ROR1: variants seen among roughly 807,000 people sequenced by gnomAD.
ROR1 encodes ROR family WNT receptor 1, also known as inactive tyrosine-protein kinase transmembrane receptor ROR1.
In ROR1, 19 loss-of-function variants were observed where a neutral mutation model predicts 78.8. The ratio of observed to expected loss-of-function variants is 0.24; its 90% CI spans 0.17 to 0.35. The LOEUF is 0.35. ROR1 is among the 10% of genes least tolerant of loss of function. The pLI is 1.00. For synonymous variants in ROR1, 386 were observed against 433.6 expected, an observed-to-expected ratio of 0.89 and a Z score of 1.36; for missense variants, 917 against 1,177.8, an observed-to-expected ratio of 0.78 and a Z score of 3.24.
chr1:64,100,744 T>C (rs1647496315), intron 4 of ROR1, among the ~76,000 whole-genome samples: 1 of 152,160 alleles, frequency 6.6e-6, no homozygotes, highest in Non-Finnish European at 1.5e-5. Flanking sequence ...TTTAAGGGAA[T>C]ATCAAGCATT....
chr1:64,001,509 C>T (rs1245798538), intron 1 of ROR1, among the ~76,000 whole-genome samples: 4 of 152,204 alleles, frequency 2.6e-5, no homozygotes, highest in Non-Finnish European at 5.9e-5. Flanking sequence ...CTGGCTTTGA[C>T]ATTATACCAT....
At chr1:64,100,230 C>G (rs964016284) in intron 4 of ROR1, among the ~76,000 whole-genome samples, 1 of 151,488 alleles carries the variant, frequency 6.6e-6, no homozygotes, top group Non-Finnish European at 1.5e-5. Context: ...GTCTGTAATC[C>G]CAGCACTTTG....
chr1:64,107,616 C>T (rs1647877521), intron 4 of ROR1, among the ~76,000 whole-genome samples: 1 of 151,580 alleles, frequency 6.6e-6, no homozygotes, highest in African/African-American at 2.4e-5. Context: ...AATAGATTTT[C>T]AGAATGCACA....
chr1:63,807,743 A>G (rs1398841708), intron 1 of ROR1, among the ~76,000 whole-genome samples: 1 of 152,036 alleles, frequency 6.6e-6, no homozygotes, highest in African/African-American at 2.4e-5. Flanking sequence ...CCAGGTGCAT[A>G]TTGGTCCTGG....
intron 1 of ROR1, among the ~76,000 whole-genome samples, chr1:63,936,974 G>A (rs984857367): frequency 2.0e-5 from 3 of 152,086 alleles, no homozygotes; most frequent in Non-Finnish European, 4.4e-5. Context: ...CTCATCAATA[G>A]CCCAGTTTTT....
At chr1:63,952,717 G>C (rs1015946488) in intron 1 of ROR1, among the ~76,000 whole-genome samples, 1 of 152,154 alleles carries the variant, frequency 6.6e-6, no homozygotes, top group African/African-American at 2.4e-5. Context: ...GAATACCTGA[G>C]TGCCCTGAGA....
In ROR1 at chr1:63,949,751, A is replaced by C. The variant is rs113573932; in HGVS notation, c.92-59554A>C. On this transcript the variant is annotated intron_variant, in intron 1 of 8. Transcript: ENST00000371079. ...TTTCATGCCATTTTCAGACATGCTT[A>C]AGTTTCTCAAAGGGGGTAGCCCGGG... 8.9e-3 allele frequency among the ~76,000 whole-genome samples: 1,361 copies of C among 152,102 alleles called. 18 individuals carry two copies. The highest frequency in any genetic ancestry group is 0.031 in the African/African-American group (1,273 of 41,492).
At chr1:63,816,827 G>A (rs774616252) in intron 1 of ROR1, among the ~76,000 whole-genome samples, 8 of 152,152 alleles carry the variant, frequency 5.3e-5, no homozygotes, top group Admixed American at 1.3e-4. Flanking sequence ...TGTAAGGATT[G>A]CGTGTGCTCA....
intron 4 of ROR1, among the ~76,000 whole-genome samples, chr1:64,115,259 A>G (rs1340490220): frequency 1.3e-5 from 2 of 152,156 alleles, no homozygotes; most frequent in African/African-American, 2.4e-5. Context: ...TCTGTTGCCC[A>G]GGATGGAGTG....
chr1:64,100,187 T>TA (rs1647468746), intron 4 of ROR1, among the ~76,000 whole-genome samples: 1 of 151,898 alleles, frequency 6.6e-6, no homozygotes. Flanking sequence ...GGTATTTTTT[T>TA]TAAAAAAAAG....
In ROR1 at chr1:64,178,789, A is replaced by C. The variant is rs1470848991; in HGVS notation, c.2748A>C (p.Gln916His). 3.1e-6 allele frequency: 5 copies of C among 1,614,178 alleles called. No homozygotes were observed. The highest frequency in any genetic ancestry group is 3.4e-6 in the Non-Finnish European group (4 of 1,180,032). Residue 916 changes from glutamine (Q) to histidine (H), a missense_variant, in exon 9 of 9, where the codon CAA (glutamine) becomes CAC (histidine). By Grantham distance (24) the Gln-to-His change is conservative. This residue lies in a region of ROR1 where 835 missense variants were observed against 1,069.8 expected (regional missense o/e 0.78). Coordinates refer to ENST00000371079, the MANE Select transcript of ROR1 (RefSeq NM_005012.4). The surrounding 1 kb of genome is among the most constrained non-coding windows in gnomAD (Gnocchi z 4.3). ...SQKPYKIDSK[Q>H]ASLLGDANIH... is the part of the protein sequence containing the mutation. ...AACCCTACAAAATTGACTCAAAGCA[A>C]GCATCTTTACTAGGAGACGCCAATA... is the stretch of plus-strand genomic sequence containing the variant.
intron 1 of ROR1, among the ~76,000 whole-genome samples, chr1:63,820,348 G>A (rs1362247753): frequency 6.6e-6 from 1 of 152,194 alleles, no homozygotes; most frequent in African/African-American, 2.4e-5. Flanking sequence ...ACTGCTGCAG[G>A]CCACAAAGAA....
chr1:63,901,963 A>G (rs1212135839), intron 1 of ROR1, among the ~76,000 whole-genome samples: 4 of 152,230 alleles, frequency 2.6e-5, no homozygotes, highest in Non-Finnish European at 2.9e-5. Flanking sequence ...GACTCTAAAT[A>G]CTGCAATACA....
At chr1:63,929,045 C>T (rs543625735) in intron 1 of ROR1, among the ~76,000 whole-genome samples, 2 of 152,316 alleles carry the variant, frequency 1.3e-5, no homozygotes, top group South Asian at 4.1e-4. Flanking sequence ...ACAGTTTATA[C>T]TAGCAAACAC....
intron 1 of ROR1, among the ~76,000 whole-genome samples, chr1:63,930,126 C>T (rs893810828): frequency 2.0e-5 from 3 of 152,136 alleles, no homozygotes; most frequent in Middle Eastern, 3.2e-3. Flanking sequence ...GCCCCCCACC[C>T]GCTGACAGGC....
intron 1 of ROR1, among the ~76,000 whole-genome samples, chr1:63,835,263 T>C (rs1645013190): frequency 6.6e-6 from 1 of 152,182 alleles, no homozygotes. Flanking sequence ...CTTTCAGAGC[T>C]GTTAAGAAAA....
intron 1 of ROR1, among the ~76,000 whole-genome samples, chr1:63,834,578 T>C (rs1645008772): frequency 6.6e-6 from 1 of 152,200 alleles, no homozygotes; most frequent in South Asian, 2.1e-4. Context: ...TCTTTTTGTT[T>C]CTATGATGAG....
At chr1:64,173,907 G>A (rs748644158) in intron 8 of ROR1, among the ~76,000 whole-genome samples, 9 of 151,986 alleles carry the variant, frequency 5.9e-5, no homozygotes, top group Non-Finnish European at 8.8e-5. Flanking sequence ...TCTCAGAGGA[G>A]CCAGCTACAG....
intron 8 of ROR1, among the ~76,000 whole-genome samples, chr1:64,160,942 G>T (rs568183198): frequency 6.6e-5 from 10 of 152,200 alleles, no homozygotes; most frequent in African/African-American, 2.4e-5. Context: ...AACCATGGAA[G>T]AATCATTTCC....
Sources: gnomAD v4.1 joint callset for allele counts (sites outside exome capture counted in the v4.1 genomes callset) on GRCh38, gnomAD v4.1.1 for gene constraint, gnomAD v4.1.1 regional missense constraint, Gnocchi (gnomAD v3.1) non-coding constraint, MANE v1.5 for transcripts, NCBI Gene and HGNC (gene_info 2026-07-23, HGNC 2026-07-21) for gene names.